Variants in ZRANB1 observed in about 807,000 individuals in gnomAD.
ZRANB1 encodes ubiquitin thioesterase ZRANB1.
A neutral mutation model predicts 80.5 loss-of-function variants in ZRANB1; 16 were observed. The ratio of observed to expected loss-of-function variants is 0.20; its 90% CI spans 0.13 to 0.30. The LOEUF is 0.30. ZRANB1 is among the 10% of genes least tolerant of loss of function. The pLI is 1.00. For missense variants in ZRANB1, 576 were observed against 862.6 expected, an observed-to-expected ratio of 0.67 and a Z score of 4.16; for synonymous variants, 291 against 293.1, an observed-to-expected ratio of 0.99 and a Z score of 0.07.
rs568330737 is a variant in ZRANB1 at position 124,953,944 on chromosome 10, C to CT, written c.814+10648dup. Among the ~76,000 whole-genome samples the CT allele has an allele frequency of 4.0e-3, 578 of 145,450 alleles. 2 individuals are homozygous for CT. Among genetic ancestry groups the CT allele is most frequent in the African/African-American group, 0.012 (494 of 39,798 alleles). ...AAAGATACTCTTCTGATTTAGTGTCCTTTTTTTTTTTCTTTTCTCTTTCTT... is the reference window on the plus strand; with the variant it reads ...AAAGATACTCTTCTGATTTAGTGTCCTTTTTTTTTTTTCTTTTCTCTTTCTT... On this transcript the variant is annotated intron_variant, in intron 1 of 8. Transcript: ENST00000359653.
the ZRANB1 span, among the ~76,000 whole-genome samples, chr10:124,922,129 G>C: frequency 2.6e-5 from 4 of 151,204 alleles, no homozygotes; most frequent in African/African-American, 9.7e-5. Flanking sequence ...TTTTTGTAGA[G>C]ACAAGATCTC....
At chr10:124,919,918 C>G in the ZRANB1 span, among the ~76,000 whole-genome samples, 13 of 125,032 alleles carry the variant, frequency 1.0e-4, no homozygotes, top group Admixed American at 6.9e-4. Context: ...GCCCCCCCCC[C>G]CCCTTTTTTT....
intron 5 of ZRANB1, among the ~76,000 whole-genome samples, chr10:124,976,700 T>TA (rs1414571586): frequency 6.6e-6 from 1 of 150,792 alleles, no homozygotes; most frequent in East Asian, 2.0e-4. Context: ...GCCTTCGAAG[T>TA]AGCTGGGATT....
intron 1 of ZRANB1, among the ~76,000 whole-genome samples, chr10:124,956,430 C>T (rs890874267): frequency 6.6e-6 from 1 of 152,138 alleles, no homozygotes; most frequent in African/African-American, 2.4e-5. Flanking sequence ...TGTGCATAGA[C>T]AACCACTATT....
chr10:124,958,539 CTT>C (rs764013246), intron 1 of ZRANB1, among the ~76,000 whole-genome samples: 1 of 151,016 alleles, frequency 6.6e-6, no homozygotes, highest in Admixed American at 6.6e-5. Flanking sequence ...TATTTTCAGT[CTT>C]TTTTTTTGCA....
the ZRANB1 span, among the ~76,000 whole-genome samples, chr10:124,920,551 C>T: frequency 1.3e-5 from 2 of 152,066 alleles, no homozygotes; most frequent in African/African-American, 4.8e-5. Context: ...TAACTCTAGC[C>T]ACACTAACTT....
chr10:124,984,480 T>C (rs776653817), intron 8 of ZRANB1: 131 of 326,156 alleles, frequency 4.0e-4, no homozygotes, highest in Non-Finnish European at 6.2e-4. Context: ...AGCTGTGGCT[T>C]GCCAGGATCA....
intron 1 of ZRANB1, among the ~76,000 whole-genome samples, chr10:124,953,339 C>T (rs75343148): frequency 0.055 from 8,355 of 152,224 alleles, 748 homozygotes; most frequent in African/African-American, 0.19. Flanking sequence ...TACAGAGGGA[C>T]TGACTAGTAT....
chr10:124,936,920 T>G, the ZRANB1 span, among the ~76,000 whole-genome samples: 15 of 152,116 alleles, frequency 9.9e-5, no homozygotes, highest in Non-Finnish European at 1.8e-4. Flanking sequence ...TAAATTTGTA[T>G]TAATAAAGCT....
chr10:124,955,365 A>G (rs2134262819), intron 1 of ZRANB1, among the ~76,000 whole-genome samples: 1 of 151,960 alleles, frequency 6.6e-6, no homozygotes, highest in Non-Finnish European at 1.5e-5. Context: ...CTTCCCTAGT[A>G]GCTGTGATTA....
the ZRANB1 span, among the ~76,000 whole-genome samples, chr10:124,930,711 A>G: frequency 6.6e-6 from 1 of 152,224 alleles, no homozygotes; most frequent in African/African-American, 2.4e-5. Flanking sequence ...TGACGTATAT[A>G]TTTGGAAGAG....
At chr10:124,919,891 G>T in the ZRANB1 span, among the ~76,000 whole-genome samples, 1 of 143,532 alleles carries the variant, frequency 7.0e-6, no homozygotes, top group African/African-American at 2.6e-5. Context: ...GATTACAGGC[G>T]TGAGCCACCG....
At chr10:124,939,189 C>T (rs928020252), upstream of ZRANB1, among the ~76,000 whole-genome samples, 1 of 148,694 alleles carries the variant, frequency 6.7e-6, no homozygotes, top group Non-Finnish European at 1.5e-5. Flanking sequence ...CAACAAAAAT[C>T]GTGTTTTTTT....
upstream of ZRANB1, among the ~76,000 whole-genome samples, chr10:124,940,879 A>AG (rs1296977790): frequency 3.3e-5 from 5 of 152,246 alleles, no homozygotes; most frequent in African/African-American, 1.2e-4. Context: ...TGGGAGGCTG[A>AG]GGCAGGAGAA....
At chr10:124,961,941 A>G (rs1951737559) in intron 1 of ZRANB1, among the ~76,000 whole-genome samples, 1 of 152,210 alleles carries the variant, frequency 6.6e-6, no homozygotes, top group Non-Finnish European at 1.5e-5. Flanking sequence ...TATGTGGAAA[A>G]TACAACCAGG....
intron 5 of ZRANB1, among the ~76,000 whole-genome samples, chr10:124,978,239 G>A (rs1025612390): frequency 6.6e-6 from 1 of 152,166 alleles, no homozygotes; most frequent in Non-Finnish European, 1.5e-5. Flanking sequence ...AGCAGCCGTG[G>A]GTTTTCTAGG....
the ZRANB1 span, among the ~76,000 whole-genome samples, chr10:124,926,728 T>C: frequency 6.6e-6 from 1 of 152,204 alleles, no homozygotes; most frequent in East Asian, 1.9e-4. Flanking sequence ...TATTACGTAC[T>C]GTATATAATT....
upstream of ZRANB1, among the ~76,000 whole-genome samples, chr10:124,938,191 A>C (rs1589836634): frequency 1.3e-5 from 2 of 152,274 alleles, no homozygotes; most frequent in East Asian, 3.9e-4. Context: ...GAATGTTTTG[A>C]CATCTGGAAA....
At chr10:124,941,351 A>G (rs1166003145), upstream of ZRANB1, among the ~76,000 whole-genome samples, 5 of 152,030 alleles carry the variant, frequency 3.3e-5, no homozygotes, top group African/African-American at 1.2e-4. Flanking sequence ...TTAAATATGA[A>G]TTGGATTTTT....
Sources: allele counts gnomAD v4.1 joint callset (sites outside exome capture counted in the v4.1 genomes callset), GRCh38; gene constraint gnomAD v4.1.1; transcripts MANE v1.5; gene names NCBI Gene and HGNC (gene_info 2026-07-23, HGNC 2026-07-21).